RBM33: variants seen among roughly 807,000 people sequenced by gnomAD.
RBM33 encodes RNA-binding protein 33.
Under a neutral mutation model 132.6 loss-of-function variants are expected in RBM33, and 28 were observed. The observed-to-expected ratio is 0.21, with a 90% CI of 0.16 to 0.29. The LOEUF is 0.29. Ranked by LOEUF, RBM33 falls within the 10% of genes least tolerant of loss-of-function variation. The probability of loss-of-function intolerance (pLI) is 1.00; values close to 1 mark genes in which losing one functional copy is unlikely to be tolerated. For missense variants in RBM33, 1,291 were observed against 1,518.5 expected, an observed-to-expected ratio of 0.85 and a Z score of 2.49; for synonymous variants, 634 against 593.0, an observed-to-expected ratio of 1.07 and a Z score of -1.01.
chr7:155,705,840 G>A (rs1800096333), intron 6 of RBM33, among the ~76,000 whole-genome samples: 1 of 152,162 alleles, frequency 6.6e-6, no homozygotes, highest in African/African-American at 2.4e-5. Flanking sequence ...AGCAGCTGCT[G>A]GACACTCCAC....
At chr7:155,727,283 C>G (rs1316016081) in intron 9 of RBM33, among the ~76,000 whole-genome samples, 1 of 152,146 alleles carries the variant, frequency 6.6e-6, no homozygotes, top group Non-Finnish European at 1.5e-5. Flanking sequence ...CATCCCCCAG[C>G]TGACAACTGC....
chr7:155,768,153 T>A (rs1275208985), intron 16 of RBM33, among the ~76,000 whole-genome samples: 1 of 152,248 alleles, frequency 6.6e-6, no homozygotes, highest in East Asian at 1.9e-4. Flanking sequence ...GGACTTTGCT[T>A]CATCCTGTGT....
At chr7:155,689,125 T>G (rs1799559737) in intron 5 of RBM33, among the ~76,000 whole-genome samples, 1 of 152,234 alleles carries the variant, frequency 6.6e-6, no homozygotes, top group Non-Finnish European at 1.5e-5. Flanking sequence ...GTTGGTAAGC[T>G]ATTAATTATT....
In RBM33 at chr7:155,766,574, C is replaced by T. The variant is rs1211615158; in HGVS notation, c.3294C>T (p.Cys1098=). 1.5e-5 allele frequency: 25 copies of T among 1,613,094 alleles called. No homozygotes were observed. The highest frequency in any genetic ancestry group is 1.6e-4 in the Middle Eastern group (1 of 6,078). ...LRVVECKPQP[C]VVSVEGLSSS... ...TGGTGGAGTGCAAGCCCCAGCCCTG[C>T]GTGGTGTCTGTGGAGGGGCTGTCCT... Residue 1098 remains cysteine (C), a synonymous_variant, in exon 16 of 18, where the codon TGC becomes TGT. Transcript: ENST00000401878.
chr7:155,687,191 A>C (rs1210523049), intron 5 of RBM33, among the ~76,000 whole-genome samples: 1 of 152,206 alleles, frequency 6.6e-6, no homozygotes, highest in Non-Finnish European at 1.5e-5. Flanking sequence ...GTGAGATGGT[A>C]TCTCATTGTG....
At chr7:155,752,429 AT>A (rs1278262615) in intron 14 of RBM33, among the ~76,000 whole-genome samples, 1 of 152,220 alleles carries the variant, frequency 6.6e-6, no homozygotes. Context: ...TTTTGATTTC[AT>A]TTTTTGAATT....
intron 5 of RBM33, among the ~76,000 whole-genome samples, chr7:155,699,002 G>A (rs1206234388): frequency 6.6e-6 from 1 of 152,140 alleles, no homozygotes; most frequent in Non-Finnish European, 1.5e-5. Context: ...TTTCTCTAGG[G>A]TAAATATCTA....
At position 155,739,871 on chromosome 7, in the gene RBM33, C is replaced by A; in HGVS notation, c.1894C>A (p.Gln632Lys). ...PPQHPPQHPP[Q>K]HQHHHHHHHL... ...CCAGCACCCACCACAGCACCCGCCG[C>A]AGCACCAGCACCACCACCACCACCA... The change falls in exon 12 of 18, where the codon CAG becomes AAG. Residue 632 changes from glutamine to lysine, a missense_variant. Transcript: ENST00000401878. 6.5e-7 allele frequency: 1 copy of A among 1,546,256 alleles called. No homozygotes were observed.
chr7:155,751,794 A>G (rs1309586020), intron 14 of RBM33, among the ~76,000 whole-genome samples: 1 of 86,362 alleles, frequency 1.2e-5, no homozygotes, highest in African/African-American at 5.8e-5. Flanking sequence ...GTAATTAGTA[A>G]AGTAATTTAT....
intron 14 of RBM33, among the ~76,000 whole-genome samples, chr7:155,759,581 C>A (rs1801965972): frequency 6.6e-6 from 1 of 152,020 alleles, no homozygotes; most frequent in Admixed American, 6.6e-5. Context: ...CCGCGCCCGG[C>A]TAATTTTTTT....
chr7:155,706,088 C>A (rs968623230), intron 6 of RBM33, among the ~76,000 whole-genome samples: 8 of 152,178 alleles, frequency 5.3e-5, no homozygotes, highest in African/African-American at 1.7e-4. Context: ...TGTGTTCTTG[C>A]GTCTATGTGC....
chr7:155,659,325 C>T (rs1369225820), intron 1 of RBM33, among the ~76,000 whole-genome samples: 1 of 151,964 alleles, frequency 6.6e-6, no homozygotes, highest in Non-Finnish European at 1.5e-5. Context: ...ATATGCTTAA[C>T]GTGCTTTAGG....
At position 155,657,617 on chromosome 7, in the gene RBM33, C is replaced by T. The variant is rs148376632; in HGVS notation, c.44-7558C>T. 5.8e-3 allele frequency among the ~76,000 whole-genome samples: 878 copies of T among 152,292 alleles called. 6 individuals carry two copies. Among genetic ancestry groups the T allele is most frequent in the Admixed American group, 8.3e-3 (127 of 15,294 alleles). On this transcript the variant is annotated intron_variant, in intron 1 of 17. Coordinates refer to ENST00000401878, the MANE Select transcript of RBM33 (RefSeq NM_053043.3). ...CAAATTTCTGACCTCAAGCAATCCT[C>T]GCTTCTCAGGCTCCCAAGTAGCTAG...
chr7:155,680,656 C>A lies in RBM33; in HGVS notation c.315C>A (p.Asp105Glu). 1 of 1,609,740 alleles carries A rather than the reference C, an allele frequency of 6.2e-7. No homozygotes were observed. Among genetic ancestry groups the A allele is most frequent in the Admixed American group, 1.7e-5 (1 of 59,448 alleles). Reference protein sequence around the residue: ...SGMVTSFELSDNTNDQSGEQE... With the variant: ...SGMVTSFELSENTNDQSGEQE... Reference sequence around the variant, plus strand: ...TGGTTACATCATTTGAACTCTCTGACAACACTAACGACCAATCTGGAGAAC... The same window carrying A: ...TGGTTACATCATTTGAACTCTCTGAAAACACTAACGACCAATCTGGAGAAC... Residue 105 changes from aspartate to glutamate, a missense_variant, in exon 5 of 18, where the codon GAC becomes GAA. Coordinates refer to ENST00000401878, the MANE Select transcript of RBM33 (RefSeq NM_053043.3).
At chr7:155,711,584 C>A (rs976751635) in intron 8 of RBM33, 129 bp downstream of exon 8, 4 of 548,052 alleles carry the variant, frequency 7.3e-6, no homozygotes, top group South Asian at 3.9e-5. Context: ...CAGAAGAAAT[C>A]ATCGTTCGAA....
chr7:155,651,360 C>T (rs914000345), intron 1 of RBM33, among the ~76,000 whole-genome samples: 1 of 152,084 alleles, frequency 6.6e-6, no homozygotes, highest in Admixed American at 6.6e-5. Flanking sequence ...CAGATCTGCT[C>T]TTGAGAAGTT....
chr7:155,697,056 C>T (rs573134450), intron 5 of RBM33, among the ~76,000 whole-genome samples: 1 of 152,282 alleles, frequency 6.6e-6, no homozygotes, highest in South Asian at 2.1e-4. Flanking sequence ...CAGTGTCTGC[C>T]AGTTTTCTTC....
intron 7 of RBM33, among the ~76,000 whole-genome samples, chr7:155,707,966 T>C (rs974518657): frequency 6.6e-6 from 1 of 152,196 alleles, no homozygotes; most frequent in Non-Finnish European, 1.5e-5. Flanking sequence ...AACCTATTCT[T>C]TCATTTAAGT....
chr7:155,728,333 A>G (rs905231098), intron 9 of RBM33, among the ~76,000 whole-genome samples: 14 of 151,890 alleles, frequency 9.2e-5, no homozygotes, highest in Admixed American at 2.0e-4. Flanking sequence ...GGTCCTGTAC[A>G]CTCGATGACA....
Sources: allele counts gnomAD v4.1 joint callset (sites outside exome capture counted in the v4.1 genomes callset), GRCh38; gene constraint gnomAD v4.1.1; transcripts MANE v1.5; gene names NCBI Gene and HGNC (gene_info 2026-07-23, HGNC 2026-07-21).